LARGE1: variants seen among roughly 807,000 people sequenced by gnomAD.
LARGE1 encodes xylosyl- and glucuronyltransferase LARGE1.
LARGE1 carries 43 observed loss-of-function variants against 87.6 expected under a neutral mutation model. The ratio of observed to expected loss-of-function variants is 0.49; its 90% CI spans 0.38 to 0.63. The LOEUF (loss-of-function observed/expected upper bound fraction) is 0.63, where lower values mean the gene tolerates loss of function less well. Among genes scored for constraint, LARGE1 ranks in the 30% least tolerant of loss-of-function variants. LARGE1 has a pLI of 0.00. For synonymous variants in LARGE1, 434 were observed against 394.6 expected, an observed-to-expected ratio of 1.10 and a Z score of -1.18; for missense variants, 802 against 1,000.2, an observed-to-expected ratio of 0.80 and a Z score of 2.67.
At chr22:33,143,121 A>T in the LARGE1 span, among the ~76,000 whole-genome samples, 1 of 152,288 alleles carries the variant, frequency 6.6e-6, no homozygotes, top group East Asian at 1.9e-4. Flanking sequence ...ATAGTCAGAG[A>T]TGGGTTCACA....
At chr22:33,716,301 T>C (rs2082906272) in intron 2 of LARGE1, among the ~76,000 whole-genome samples, 1 of 152,242 alleles carries the variant, frequency 6.6e-6, no homozygotes, top group Non-Finnish European at 1.5e-5. Flanking sequence ...ATTGTTTATG[T>C]GAAATTCCAA....
chr22:33,447,535 G>A (rs769616131), intron 6 of LARGE1, among the ~76,000 whole-genome samples: 2 of 152,276 alleles, frequency 1.3e-5, no homozygotes, highest in Non-Finnish European at 1.5e-5. Flanking sequence ...ACCCCAGCAC[G>A]TCCCAATGCA....
At chr22:33,331,763 C>T (rs1398785488) in intron 10 of LARGE1, among the ~76,000 whole-genome samples, 1 of 152,130 alleles carries the variant, frequency 6.6e-6, no homozygotes, top group East Asian at 1.9e-4. Context: ...CAACTCCCAG[C>T]AGGTCCTCGA....
chr22:33,824,602 C>T (rs2062728626), intron 1 of LARGE1, among the ~76,000 whole-genome samples: 1 of 152,146 alleles, frequency 6.6e-6, no homozygotes, highest in Non-Finnish European at 1.5e-5. Flanking sequence ...TTATTCCTTT[C>T]ACCTGTAGAC....
intron 6 of LARGE1, among the ~76,000 whole-genome samples, chr22:33,492,603 C>T (rs2069901775): frequency 6.6e-6 from 1 of 152,206 alleles, no homozygotes; most frequent in African/African-American, 2.4e-5. Context: ...AGGCTGCAAG[C>T]TCCGGGAGCT....
chr22:33,153,293 G>C, the LARGE1 span, among the ~76,000 whole-genome samples: 1 of 152,142 alleles, frequency 6.6e-6, no homozygotes, highest in Non-Finnish European at 1.5e-5. Flanking sequence ...CTCCTGAATA[G>C]CTGAAATTAC....
chr22:33,388,127 GTTA>G (rs2065393827), intron 7 of LARGE1, among the ~76,000 whole-genome samples: 2 of 152,088 alleles, frequency 1.3e-5, no homozygotes, highest in Non-Finnish European at 2.9e-5. Context: ...ATTTAACTAT[GTTA>G]GTATTTCCTA....
At chr22:33,544,966 C>T (rs1315993838) in intron 6 of LARGE1, among the ~76,000 whole-genome samples, 4 of 152,144 alleles carry the variant, frequency 2.6e-5, no homozygotes, top group Non-Finnish European at 4.4e-5. Flanking sequence ...GAAAAACAGT[C>T]ATTCTGCTGA....
At chr22:33,654,515 T>G (rs1322417309) in intron 2 of LARGE1, among the ~76,000 whole-genome samples, 2 of 152,190 alleles carry the variant, frequency 1.3e-5, no homozygotes, top group Non-Finnish European at 2.9e-5. Flanking sequence ...TCTCGTTTTA[T>G]TCATCCTGAC....
At chr22:33,760,957 A>G (rs1029849956) in intron 2 of LARGE1, among the ~76,000 whole-genome samples, 4 of 152,002 alleles carry the variant, frequency 2.6e-5, no homozygotes, top group Non-Finnish European at 4.4e-5. Flanking sequence ...AAACCAGACA[A>G]ACAAACAAAA....
chr22:33,813,100 A>G (rs934670269), intron 1 of LARGE1, among the ~76,000 whole-genome samples: 2 of 152,028 alleles, frequency 1.3e-5, no homozygotes, highest in African/African-American at 4.8e-5. Flanking sequence ...CACCCCTGTA[A>G]TCCCAACTCC....
chr22:33,903,032 T>G (rs1209489516), intron 1 of LARGE1, among the ~76,000 whole-genome samples: 2 of 152,138 alleles, frequency 1.3e-5, no homozygotes, highest in Non-Finnish European at 2.9e-5. Context: ...CTCGGGAGGC[T>G]GAGGGAGGAG....
At chr22:33,569,134 C>T (rs2078118228) in intron 5 of LARGE1, among the ~76,000 whole-genome samples, 3 of 152,212 alleles carry the variant, frequency 2.0e-5, no homozygotes. Flanking sequence ...GCTCAGCTTC[C>T]TCTCTCCTCT....
chr22:33,843,521 G>A (rs781513131), intron 1 of LARGE1, among the ~76,000 whole-genome samples: 5 of 151,602 alleles, frequency 3.3e-5, no homozygotes, highest in African/African-American at 9.7e-5. Context: ...AAAGAGTAGC[G>A]GATGCAGGAA....
intron 2 of LARGE1, among the ~76,000 whole-genome samples, chr22:33,707,442 T>A (rs775317356): frequency 1.3e-5 from 2 of 152,258 alleles, no homozygotes; most frequent in Non-Finnish European, 2.9e-5. Context: ...CAGCTGGAAG[T>A]GGTTATTAGG....
intron 11 of LARGE1, among the ~76,000 whole-genome samples, chr22:33,214,308 CTCT>C (rs148791971): frequency 0.029 from 4,463 of 152,130 alleles, 135 homozygotes; most frequent in African/African-American, 0.076. Context: ...GTGTCCTCGT[CTCT>C]TCTTCTTATA....
intron 2 of LARGE1, among the ~76,000 whole-genome samples, chr22:33,755,517 A>G (rs1206092765): frequency 6.6e-6 from 1 of 152,194 alleles, no homozygotes; most frequent in African/African-American, 2.4e-5. Flanking sequence ...ATGGACAGAA[A>G]AGAAGAACCA....
chr22:33,188,265 C>T (rs994789724), intron 11 of LARGE1, among the ~76,000 whole-genome samples: 3 of 152,128 alleles, frequency 2.0e-5, no homozygotes, highest in Admixed American at 2.0e-4. Flanking sequence ...TAACGAGAAA[C>T]TCTTACTGGA....
chr22:33,257,216 AAAC>A (rs572360244), intron 11 of LARGE1, among the ~76,000 whole-genome samples: 3 of 151,816 alleles, frequency 2.0e-5, no homozygotes, highest in African/African-American at 4.8e-5. Context: ...AAAAATAAAC[AAAC>A]AACAACAACA....
Sources: gnomAD v4.1 joint callset for allele counts (sites outside exome capture counted in the v4.1 genomes callset) on GRCh38, gnomAD v4.1.1 for gene constraint, MANE v1.5 for transcripts, NCBI Gene and HGNC (gene_info 2026-07-23, HGNC 2026-07-21) for gene names.